NLGN1: variants seen among roughly 807,000 people sequenced by gnomAD.
The protein encoded by NLGN1 is neuroligin 1.
NLGN1 carries 12 observed loss-of-function variants against 65.5 expected under a neutral mutation model. The ratio of observed to expected loss-of-function variants is 0.18; its 90% CI spans 0.12 to 0.30. The LOEUF is 0.30. Among genes scored for constraint, NLGN1 ranks in the 10% least tolerant of loss-of-function variants. The pLI, the probability that NLGN1 is intolerant of heterozygous loss-of-function variation, is 1.00. For synonymous variants in NLGN1, 350 were observed against 359.5 expected (o/e 0.97, Z 0.30); for missense variants, 750 against 1,007.1 (o/e 0.74, Z 3.46).
intron 4 of NLGN1, among the ~76,000 whole-genome samples, chr3:173,979,689 C>G (rs7651732): frequency 6.6e-6 from 1 of 151,990 alleles, no homozygotes; most frequent in Non-Finnish European, 1.5e-5. Context: ...TCAAGATTAC[C>G]AGTCTTCTGA....
At chr3:174,170,926 TGAATG>T (rs1728406632) in intron 4 of NLGN1, among the ~76,000 whole-genome samples, 1 of 152,194 alleles carries the variant, frequency 6.6e-6, no homozygotes, top group Non-Finnish European at 1.5e-5. Context: ...TCGCTGAACT[TGAATG>T]TATCCATTTA....
chr3:174,270,769 A>G lies in NLGN1; in HGVS notation c.647-4546A>G, dbSNP rs544671691. Among the ~76,000 whole-genome samples the G allele has an allele frequency of 2.0e-5, 3 of 151,990 alleles. No homozygotes were observed. In the East Asian group the frequency reaches 5.8e-4, roughly 29 times the overall value. On this transcript the variant is annotated intron_variant, in intron 4 of 6. Transcript: ENST00000457714. The stretch of plus-strand genomic sequence containing the variant: ...GAGGCAGAATGCAGAGGAAGACATG[A>G]CTGAACATGGCAACTGAAAAGATAA...
exon 7 of NLGN1, chr3:174,281,264 C>G: frequency 6.2e-7 from 1 of 1,612,430 alleles, no homozygotes; most frequent in Non-Finnish European, 8.5e-7. Flanking sequence ...TGCCCCATCC[C>G]CATCCCCACC....
intron 3 of NLGN1, among the ~76,000 whole-genome samples, chr3:173,700,643 G>A (rs1039259291): frequency 6.6e-6 from 1 of 152,156 alleles, no homozygotes; most frequent in East Asian, 1.9e-4. Flanking sequence ...ACCTGCATTT[G>A]TGTTTCTCAT....
intron 4 of NLGN1, among the ~76,000 whole-genome samples, chr3:173,837,534 A>C (rs575287503): frequency 6.6e-6 from 1 of 152,166 alleles, no homozygotes; most frequent in African/African-American, 2.4e-5. Flanking sequence ...TTAATGTACA[A>C]TATGTTGAGT....
At chr3:173,457,788 G>A (rs920154849) in intron 2 of NLGN1, among the ~76,000 whole-genome samples, 1 of 152,082 alleles carries the variant, frequency 6.6e-6, no homozygotes, top group Non-Finnish European at 1.5e-5. Flanking sequence ...TGATGAAAAA[G>A]AAAAGAACTA....
chr3:174,080,753 C>T (rs1250492632), intron 4 of NLGN1, among the ~76,000 whole-genome samples: 2 of 151,392 alleles, frequency 1.3e-5, no homozygotes, highest in Non-Finnish European at 2.9e-5. Context: ...TCATCAGTTT[C>T]AGGTTTTTTT....
chr3:174,088,798 AAATAAAT>A, intron 4 of NLGN1, among the ~76,000 whole-genome samples: 1 of 149,760 alleles, frequency 6.7e-6, no homozygotes, highest in South Asian at 2.1e-4. Context: ...ATAAATAAAT[AAATAAAT>A]AAAACTAGAT....
At chr3:173,520,387 T>C (rs530936565) in intron 2 of NLGN1, among the ~76,000 whole-genome samples, 1 of 152,324 alleles carries the variant, frequency 6.6e-6, no homozygotes, top group African/African-American at 2.4e-5. Context: ...GGACTTGATA[T>C]TGATAACCTT....
chr3:173,653,609 T>C (rs982196976), intron 3 of NLGN1, among the ~76,000 whole-genome samples: 3 of 152,334 alleles, frequency 2.0e-5, no homozygotes, highest in Non-Finnish European at 4.4e-5. Flanking sequence ...TTTATAAACA[T>C]TATGTTCAAT....
intron 4 of NLGN1, among the ~76,000 whole-genome samples, chr3:174,096,587 C>G (rs1166511251): frequency 6.6e-6 from 1 of 152,050 alleles, no homozygotes; most frequent in Non-Finnish European, 1.5e-5. Flanking sequence ...AATACCTACA[C>G]CATTCAAGGT....
Position 173,632,270 on chromosome 3 carries a change from G to A in NLGN1, c.493+27179G>A, listed in dbSNP as rs538137470. 3.9e-5 allele frequency among the ~76,000 whole-genome samples: 6 copies of A among 152,270 alleles called. No individual in the cohort carries two copies. The East Asian group carries it at 1.2e-3, about 29-fold the overall frequency. ...ACTTTGTGTTTCTTGAATTTTGTTAGATATTTTTGTTGTGACATGGGGCTT... is the reference window on the plus strand; with the variant it reads ...ACTTTGTGTTTCTTGAATTTTGTTAAATATTTTTGTTGTGACATGGGGCTT... On this transcript the variant is annotated intron_variant, in intron 3 of 6. Transcript: ENST00000457714.
chr3:174,234,985 CTTTTTTTTTTTTTT>C (rs748911027), intron 4 of NLGN1, among the ~76,000 whole-genome samples: 6 of 65,744 alleles, frequency 9.1e-5, no homozygotes, highest in African/African-American at 1.6e-4. Context: ...AAGGAATCAC[CTTTTTTTTTTTTTT>C]TTTTTTTTTT....
chr3:173,654,994 G>T (rs1577765580), intron 3 of NLGN1, among the ~76,000 whole-genome samples: 1 of 152,078 alleles, frequency 6.6e-6, no homozygotes, highest in Non-Finnish European at 1.5e-5. Flanking sequence ...CTCTTCCATG[G>T]TAGCCATATG....
chr3:173,479,858 C>A (rs1476373205), intron 2 of NLGN1, among the ~76,000 whole-genome samples: 1 of 151,992 alleles, frequency 6.6e-6, no homozygotes, highest in Non-Finnish European at 1.5e-5. Flanking sequence ...AACACATAAC[C>A]ATCTTTATTT....
intron 2 of NLGN1, among the ~76,000 whole-genome samples, chr3:173,574,182 A>G (rs1745144536): frequency 6.6e-6 from 1 of 151,858 alleles, no homozygotes; most frequent in South Asian, 2.1e-4. Context: ...CAGTTTAATT[A>G]CCGATTTGTT....
intron 1 of NLGN1, among the ~76,000 whole-genome samples, chr3:173,403,656 G>A (rs1422193429): frequency 6.6e-6 from 1 of 152,064 alleles, no homozygotes; most frequent in Non-Finnish European, 1.5e-5. Context: ...CTTCATGGAA[G>A]CTCAGAGCCA....
intron 4 of NLGN1, among the ~76,000 whole-genome samples, chr3:174,182,679 C>T (rs570772962): frequency 2.6e-4 from 40 of 152,246 alleles, no homozygotes; most frequent in Non-Finnish European, 5.4e-4. Context: ...AGTGAAGATT[C>T]TAAGTGCAGG....
At chr3:173,783,709 G>A (rs1475314742) in intron 3 of NLGN1, among the ~76,000 whole-genome samples, 1 of 152,114 alleles carries the variant, frequency 6.6e-6, no homozygotes, top group Non-Finnish European at 1.5e-5. Flanking sequence ...CTGCCTCATG[G>A]GATTCAGCGA....
Sources: allele counts gnomAD v4.1 joint callset (sites outside exome capture counted in the v4.1 genomes callset), GRCh38; gene constraint gnomAD v4.1.1; transcripts MANE v1.5; gene names NCBI Gene and HGNC (gene_info 2026-07-23, HGNC 2026-07-21).